Variants in GOSR1 observed in about 807,000 individuals in gnomAD.
GOSR1 encodes 28 kDa Golgi SNARE protein.
GOSR1 carries 21 observed loss-of-function variants against 35.5 expected under a neutral mutation model. The ratio of observed to expected loss-of-function variants is 0.59; its 90% CI spans 0.42 to 0.85. GOSR1 has a LOEUF of 0.85. Ranked by LOEUF, GOSR1 falls within the 40% of genes least tolerant of loss-of-function variation. GOSR1 has a pLI of 0.00. For missense variants in GOSR1, 285 were observed against 309.6 expected (o/e 0.92, Z 0.60); for synonymous variants, 94 against 106.6 (o/e 0.88, Z 0.73).
At chr17:30,482,811 G>A (rs921280343) in intron 2 of GOSR1, 2 of 152,174 alleles carry the variant, frequency 1.3e-5, no homozygotes, top group African/African-American at 4.8e-5. Flanking sequence ...GCTTTATTTA[G>A]CAAGTAAAGA....
chr17:30,497,787 A>G (rs1967052639), intron 6 of GOSR1, among the ~76,000 whole-genome samples: 1 of 152,252 alleles, frequency 6.6e-6, no homozygotes, highest in African/African-American at 2.4e-5. Flanking sequence ...GGCCAGATGC[A>G]GTGGCTCACG....
chr17:30,511,021 A>G (rs1330482356), intron 7 of GOSR1, 112 bp downstream of exon 7: 1 of 649,622 alleles, frequency 1.5e-6, no homozygotes, highest in African/African-American at 1.9e-5. Context: ...TAATGAACAG[A>G]TCAAAGTTCG....
chr17:30,508,776 T>C (rs186513015), intron 6 of GOSR1, among the ~76,000 whole-genome samples: 10 of 152,336 alleles, frequency 6.6e-5, no homozygotes, highest in African/African-American at 2.2e-4. Context: ...CCAATCACTA[T>C]ACAAACCCCT....
rs1335192756 is a variant in GOSR1 at position 30,527,569 on chromosome 17, G to C, written c.*5191G>C. The C allele has an allele frequency of 6.6e-6, 1 of 151,072 alleles. No homozygotes were observed. The highest frequency in any genetic ancestry group is 2.5e-5 in the African/African-American group (1 of 40,376). 9.4% of individuals were successfully genotyped at this position (151,072 alleles called of 1,614,324 possible). A position where few individuals can be genotyped will look rare whatever the true frequency, so the allele number is the denominator to read the frequency against. ...CTCATAAGCATCTCAGCAAAGCCAG[G>C]GGTACAGGGCTCACCTGACATAAGA... On this transcript the variant is annotated 3_prime_UTR_variant, in exon 9 of 9. Coordinates refer to ENST00000451249, the MANE Select transcript of GOSR1 (RefSeq NM_001007025.2).
In GOSR1 at chr17:30,526,284, A is replaced by G. The variant is rs1016413156; in HGVS notation, c.*3906A>G. On this transcript the variant is annotated 3_prime_UTR_variant, in exon 9 of 9. Coordinates refer to ENST00000451249, the MANE Select transcript of GOSR1 (RefSeq NM_001007025.2). ...CTCAACTATTGTCTTATTATAATGA[A>G]TCTTTCCTTTTTGGTCCTTTTAAGT... 1 of 152,150 alleles carries G rather than the reference A, an allele frequency of 6.6e-6. No individual in the cohort carries two copies. Among genetic ancestry groups the G allele is most frequent in the African/African-American group, 2.4e-5 (1 of 41,418 alleles). The allele number at this position is 152,150 out of a possible 1,614,324, so 9.4% of individuals were successfully genotyped here. A position where few individuals can be genotyped will look rare whatever the true frequency, so the allele number is the denominator to read the frequency against.
intron 6 of GOSR1, among the ~76,000 whole-genome samples, chr17:30,493,804 G>T (rs1478613389): frequency 1.3e-5 from 2 of 151,754 alleles, no homozygotes; most frequent in African/African-American, 4.8e-5. Context: ...AAAATAAATG[G>T]TGCATATATT....
intron 6 of GOSR1, among the ~76,000 whole-genome samples, chr17:30,496,609 A>G (rs1441821640): frequency 6.6e-6 from 1 of 152,238 alleles, no homozygotes; most frequent in Non-Finnish European, 1.5e-5. Flanking sequence ...TTTATTTGCC[A>G]TCCACCCTTG....
chr17:30,496,140 A>T (rs559569304), intron 6 of GOSR1, among the ~76,000 whole-genome samples: 34 of 152,064 alleles, frequency 2.2e-4, no homozygotes, highest in Non-Finnish European at 5.9e-5. Context: ...TTGTTAAGGG[A>T]TGGAATATTT....
At chr17:30,491,451 G>C (rs905021751) in intron 5 of GOSR1, among the ~76,000 whole-genome samples, 19 of 152,182 alleles carry the variant, frequency 1.2e-4, no homozygotes, top group Admixed American at 6.5e-5. Flanking sequence ...TTGGGGCCAG[G>C]AGTTCAAGAC....
At chr17:30,507,909 A>G (rs1354153544) in intron 6 of GOSR1, among the ~76,000 whole-genome samples, 4 of 152,244 alleles carry the variant, frequency 2.6e-5, no homozygotes, top group Non-Finnish European at 5.9e-5. Flanking sequence ...AATGACAACA[A>G]AGGATTCAGA....
intron 6 of GOSR1, among the ~76,000 whole-genome samples, chr17:30,499,641 G>A (rs900329951): frequency 6.6e-6 from 1 of 152,074 alleles, no homozygotes; most frequent in Non-Finnish European, 1.5e-5. Flanking sequence ...GTACCCTGCC[G>A]TTCTCATTTC....
intron 6 of GOSR1, among the ~76,000 whole-genome samples, chr17:30,508,839 T>G (rs1047381126): frequency 7.2e-5 from 11 of 152,206 alleles, no homozygotes; most frequent in African/African-American, 2.7e-4. Context: ...ATGAGAAAAC[T>G]GGGGCATGGA....
intron 7 of GOSR1, among the ~76,000 whole-genome samples, chr17:30,513,595 T>C (rs1967693390): frequency 6.6e-6 from 1 of 152,202 alleles, no homozygotes; most frequent in Non-Finnish European, 1.5e-5. Context: ...CAGAAATTAT[T>C]TTTTAACCTC....
chr17:30,516,479 A>AAAAAAAG (rs1453424411), intron 7 of GOSR1, among the ~76,000 whole-genome samples: 6 of 127,268 alleles, frequency 4.7e-5, no homozygotes, highest in South Asian at 4.4e-4. Flanking sequence ...CAAACAAAAA[A>AAAAAAAG]AAAGAAAAAG....
intron 7 of GOSR1, 165 bp from the exon 8 acceptor site, chr17:30,519,774 G>A (rs1044250766): frequency 7.8e-5 from 43 of 551,682 alleles, no homozygotes; most frequent in Non-Finnish European, 9.9e-5. Flanking sequence ...TGGAAAAAGC[G>A]CAGTGGTAAA....
intron 6 of GOSR1, among the ~76,000 whole-genome samples, chr17:30,493,019 A>G (rs1444044357): frequency 6.8e-6 from 1 of 147,978 alleles, no homozygotes; most frequent in Non-Finnish European, 1.5e-5. Flanking sequence ...TCTGAGATGG[A>G]GTCTCGCTCC....
At position 30,524,292 on chromosome 17, in the gene GOSR1, T is replaced by C. The variant is rs1968144438; in HGVS notation, c.*1914T>C. ...TGAGAAATCACAAGTTCTTTCTTGA[T>C]GATCTGTGCTATAGATTTCTACTCT... On this transcript the variant is annotated 3_prime_UTR_variant, in exon 9 of 9. Transcript: ENST00000451249. 1 of 152,284 alleles carries C rather than the reference T, an allele frequency of 6.6e-6. No homozygotes were observed. The highest frequency in any genetic ancestry group is 1.5e-5 in the Non-Finnish European group (1 of 68,090). 9.4% of individuals were successfully genotyped at this position (152,284 alleles called of 1,614,324 possible).
In GOSR1 at chr17:30,496,402, G is replaced by C. The variant is rs374909728; in HGVS notation, c.509+3649G>C. 3.3e-5 allele frequency among the ~76,000 whole-genome samples: 5 copies of C among 152,290 alleles called. No individual in the cohort carries two copies. The South Asian group carries it at 1.0e-3, about 32-fold the overall frequency. Reference sequence around the variant, plus strand: ...TTTTTCTTCATGTTGTTTGGCTGCTGCTCTGCCTGACTTGATATCATAGTC... The same window carrying C: ...TTTTTCTTCATGTTGTTTGGCTGCTCCTCTGCCTGACTTGATATCATAGTC... On this transcript the variant is annotated intron_variant, in intron 6 of 8. Coordinates refer to ENST00000451249, the MANE Select transcript of GOSR1 (RefSeq NM_001007025.2).
intron 6 of GOSR1, among the ~76,000 whole-genome samples, chr17:30,506,978 A>G (rs1967424010): frequency 6.6e-6 from 1 of 152,138 alleles, no homozygotes; most frequent in African/African-American, 2.4e-5. Flanking sequence ...TTTTAAGCCC[A>G]CTCTGGAGAC....
Sources: gnomAD v4.1 joint callset for allele counts (sites outside exome capture counted in the v4.1 genomes callset) on GRCh38, gnomAD v4.1.1 for gene constraint, MANE v1.5 for transcripts, NCBI Gene and HGNC (gene_info 2026-07-23, HGNC 2026-07-21) for gene names.